The following ARAP3 variants were observed in gnomAD, a reference collection of about 807,000 sequenced individuals.
The protein encoded by ARAP3 is ArfGAP with RhoGAP domain, ankyrin repeat and PH domain 3.
A neutral mutation model predicts 169.2 loss-of-function variants in ARAP3; 82 were observed. That is an observed-to-expected ratio of 0.48 (90% CI 0.41 to 0.58). ARAP3 has a LOEUF of 0.58. Ranked by LOEUF, ARAP3 falls within the 20% of genes least tolerant of loss-of-function variation. The pLI, the probability that ARAP3 is intolerant of heterozygous loss-of-function variation, is 0.00. For missense variants in ARAP3, 1,764 were observed against 2,018.0 expected (o/e 0.87, Z 2.41); for synonymous variants, 791 against 800.3 (o/e 0.99, Z 0.20).
In ARAP3 at chr5:141,671,480, A is replaced by T. The variant is rs868516682; in HGVS notation, c.1855-80T>A. 1.2e-6 allele frequency: 2 copies of T among 1,601,258 alleles called. No individual in the cohort carries two copies. The highest frequency in any genetic ancestry group is 1.7e-6 in the Non-Finnish European group (2 of 1,173,984). Reference sequence around the variant, plus strand: ...GGACAGTCGTATCATCACTAAAAACAGTCCCCACCACCCAAGTCTAGGCAT... The same window carrying T: ...GGACAGTCGTATCATCACTAAAAACTGTCCCCACCACCCAAGTCTAGGCAT... On this transcript the variant is annotated intron_variant, in intron 12 of 32. Transcript: ENST00000239440. The surrounding 1 kb of genome is among the most constrained non-coding windows in gnomAD (Gnocchi z 4.9).
In ARAP3 at chr5:141,661,741, C is replaced by A. The variant is rs1388046079; in HGVS notation, c.3062G>T (p.Gly1021Val). Residue 1021 changes from glycine to valine, a missense_variant, in exon 21 of 33, where the codon GGC becomes GTC. Gly to Val is a moderately radical substitution (Grantham distance 109, BLOSUM62 -3). This residue lies in a region of ARAP3 where 1,112 missense variants were observed against 1,285.7 expected (regional missense o/e 0.86). Transcript: ENST00000239440. ...QRLEKYKDVI[G>V]CLPRVNRRTL... ...GCGGCGGTTGACCCGCGGCAGGCAG[C>A]CAATCACATCTTTATATTTCTCCAG... The A allele has an allele frequency of 4.3e-6, 7 of 1,614,098 alleles. No homozygotes were observed. The highest frequency in any genetic ancestry group is 5.9e-6 in the Non-Finnish European group (7 of 1,180,050).
At position 141,666,702 on chromosome 5, in the gene ARAP3, G is replaced by A. The variant is rs2099910694; in HGVS notation, c.2353-59C>T. Reference sequence around the variant, plus strand: ...GATGGGGGAAGAGACAAGGAATAGGGGAGAGAAATGAGAGTGACCGGGGTA... The same window carrying A: ...GATGGGGGAAGAGACAAGGAATAGGAGAGAGAAATGAGAGTGACCGGGGTA... On this transcript the variant is annotated intron_variant, in intron 16 of 32. Coordinates refer to ENST00000239440, the MANE Select transcript of ARAP3 (RefSeq NM_022481.6). The A allele has an allele frequency of 3.3e-6, 3 of 907,120 alleles. No individual in the cohort carries two copies. In the African/African-American group the frequency reaches 5.2e-5, roughly 16 times the overall value. The allele number at this position is 907,120 out of a possible 1,614,324, so 56.2% of individuals were successfully genotyped here.
rs1057371 is a variant in ARAP3, at chr5:141,672,849, G to A, written c.1170C>T (p.Pro390=). The change falls in exon 8 of 33, where the codon CCC becomes CCT. Residue 390 remains proline (P), a synonymous_variant. Coordinates refer to ENST00000239440, the MANE Select transcript of ARAP3 (RefSeq NM_022481.6). The surrounding 1 kb of genome is among the most constrained non-coding windows in gnomAD (Gnocchi z 4.9). ...EQRLLGHPRP[P]QPPRPLRTGM... ...CCGTGCGGAGGGGTCGGGGTGGTTG[G>A]GGGGGCCGGGGGTGGCCCAGGAGGC... 1.1e-5 allele frequency: 18 copies of A among 1,606,408 alleles called. No individual in the cohort carries two copies. The highest frequency in any genetic ancestry group is 4.5e-5 in the East Asian group (2 of 44,428).
rs149087473 is a variant in ARAP3, at chr5:141,680,085, C to A, written c.402G>T (p.Arg134Ser). 1 of 1,613,830 alleles carries A rather than the reference C, an allele frequency of 6.2e-7. No individual in the cohort carries two copies. The highest frequency in any genetic ancestry group is 1.3e-5 in the African/African-American group (1 of 75,024). ...GVSRSPEPSP[R>S]PPPLPTSSSE... ...AGGAGGAAGTGGGGAGAGGAGGAGG[C>A]CTTGGGCTGGGCTCTGGGCTCCTGG... The change falls in exon 2 of 33, where the codon AGG becomes AGT. Residue 134 changes from arginine (R) to serine (S), a missense_variant. Physicochemically the swap from Arg to Ser is moderately radical, Grantham distance 110. Coordinates refer to ENST00000239440, the MANE Select transcript of ARAP3 (RefSeq NM_022481.6).
intron 4 of ARAP3, among the ~76,000 whole-genome samples, chr5:141,677,294 A>G (rs574017540): frequency 2.6e-5 from 4 of 152,294 alleles, no homozygotes; most frequent in African/African-American, 9.6e-5. Flanking sequence ...TGTTATATTC[A>G]TCCAGTATTG....
rs752273487 is a variant in ARAP3, at chr5:141,672,677, G to A, written c.1279-19C>T. On this transcript the variant is annotated intron_variant, in intron 8 of 32. Transcript: ENST00000239440. This position sits in a 1 kb window ranked among gnomAD's most constrained non-coding sequence, Gnocchi z 4.9. Reference sequence around the variant, plus strand: ...AGAAGGCCTGGTGGGGTCAGGGGGTGGGCATCATGAGGTGCCAGAAGGGAC... The same window carrying A: ...AGAAGGCCTGGTGGGGTCAGGGGGTAGGCATCATGAGGTGCCAGAAGGGAC... 1 of 1,613,830 alleles carries A rather than the reference G, an allele frequency of 6.2e-7. No individual in the cohort carries two copies. The highest frequency in any genetic ancestry group is 1.7e-5 in the Admixed American group (1 of 59,984).
intron 4 of ARAP3, among the ~76,000 whole-genome samples, chr5:141,677,690 C>T (rs1218538325): frequency 6.6e-6 from 1 of 152,212 alleles, no homozygotes; most frequent in Non-Finnish European, 1.5e-5. Context: ...CCCTCAATGG[C>T]TTCCCATTTC....
chr5:141,661,829 A>C, intron 20 of ARAP3, 40 bp from the exon 21 acceptor site: 1 of 1,602,356 alleles, frequency 6.2e-7, no homozygotes, highest in African/African-American at 1.3e-5. Flanking sequence ...GGACCCGGGA[A>C]GAAAGAGTGG....
chr5:141,679,949 C>T lies in ARAP3; in HGVS notation c.524+14G>A. ...CCTCCCAGCATCAGTCCCTAGGGAG[C>T]CAACTCCACTCACTTGTCCTGAGCT... On this transcript the variant is annotated intron_variant, in intron 2 of 32. Coordinates refer to ENST00000239440, the MANE Select transcript of ARAP3 (RefSeq NM_022481.6). The T allele has an allele frequency of 6.2e-7, 1 of 1,613,920 alleles. No homozygotes were observed. Among genetic ancestry groups the T allele is most frequent in the Non-Finnish European group, 8.5e-7 (1 of 1,179,890 alleles).
In ARAP3 at chr5:141,675,771, T is replaced by C. The variant is rs577969484; in HGVS notation, c.699-1963A>G. On this transcript the variant is annotated intron_variant, in intron 4 of 32. Coordinates refer to ENST00000239440, the MANE Select transcript of ARAP3 (RefSeq NM_022481.6). ...CTATGATACAGCTAATGTTGAAAAC[T>C]GCTACTGCAGCCTCTGTTTCCTACT... is the stretch of plus-strand genomic sequence containing the variant. 6.6e-5 allele frequency among the ~76,000 whole-genome samples: 10 copies of C among 152,212 alleles called. 1 individual carries two copies. The South Asian group carries it at 2.1e-3, about 32-fold the overall frequency.
rs763858788 is a variant in ARAP3, at chr5:141,669,666, A to G, written c.2352+43T>C. Reference sequence around the variant, plus strand: ...GGAGAAGATGGGAGCACGTGGGGACAAGGAAAGCATGAGATGCTGCAGAGG... The same window carrying G: ...GGAGAAGATGGGAGCACGTGGGGACGAGGAAAGCATGAGATGCTGCAGAGG... On this transcript the variant is annotated intron_variant, in intron 16 of 32. Transcript: ENST00000239440. 2.0e-5 allele frequency: 31 copies of G among 1,579,228 alleles called. No homozygotes were observed. In the African/African-American group the frequency reaches 3.2e-4, roughly 16 times the overall value.
At chr5:141,659,230 T>C (rs907767968) in intron 23 of ARAP3, among the ~76,000 whole-genome samples, 178 bp downstream of exon 23, 2 of 152,096 alleles carry the variant, frequency 1.3e-5, no homozygotes, top group Non-Finnish European at 2.9e-5. Context: ...GAGCAAACCC[T>C]AACCAAACCC....
intron 21 of ARAP3, 84 bp downstream of exon 21, chr5:141,661,596 AAATG>A (rs1204638553): frequency 1.0e-4 from 135 of 1,315,656 alleles, no homozygotes; most frequent in Middle Eastern, 1.9e-4. Context: ...TGGAATGAAC[AAATG>A]AATGAATGAA....
At chr5:141,661,810 G>A in intron 20 of ARAP3, 21 bp from the exon 21 acceptor site, 1 of 1,612,142 alleles carries the variant, frequency 6.2e-7, no homozygotes, top group Non-Finnish European at 8.5e-7. Flanking sequence ...AATGGAGGAG[G>A]GTTGGGGAGG....
chr5:141,666,338 A>G (rs1239665394), intron 17 of ARAP3, 86 bp downstream of exon 17: 7 of 1,269,358 alleles, frequency 5.5e-6, no homozygotes, highest in Non-Finnish European at 7.2e-6. Context: ...GCTGTTTCCC[A>G]TAAGAACCCC....
chr5:141,659,372 T>G, intron 23 of ARAP3, 36 bp downstream of exon 23: 1 of 1,595,020 alleles, frequency 6.3e-7, no homozygotes, highest in Non-Finnish European at 8.6e-7. Context: ...TGTCTCCTCC[T>G]GCCCCATTCA....
At chr5:141,666,965 G>A (rs2099910734) in intron 16 of ARAP3, among the ~76,000 whole-genome samples, 1 of 152,162 alleles carries the variant, frequency 6.6e-6, no homozygotes, top group Admixed American at 6.5e-5. Context: ...TTCTTGTGCA[G>A]TGCCGTGATC....
At chr5:141,669,634 T>A in intron 16 of ARAP3, 75 bp downstream of exon 16, 1 of 1,382,688 alleles carries the variant, frequency 7.2e-7, no homozygotes, top group Non-Finnish European at 1.0e-6. Context: ...GCTGTAGGAA[T>A]AAGAGAGGAG....
At chr5:141,678,096 A>G (rs976220375) in intron 4 of ARAP3, among the ~76,000 whole-genome samples, 3 of 151,726 alleles carry the variant, frequency 2.0e-5, no homozygotes, top group Non-Finnish European at 4.4e-5. Context: ...ACAGGCGCCC[A>G]CCACCACGCC....
Sources: gnomAD v4.1 joint callset for allele counts (sites outside exome capture counted in the v4.1 genomes callset) on GRCh38, gnomAD v4.1.1 for gene constraint, gnomAD v4.1.1 regional missense constraint, Gnocchi (gnomAD v3.1) non-coding constraint, MANE v1.5 for transcripts, NCBI Gene and HGNC (gene_info 2026-07-23, HGNC 2026-07-21) for gene names.